The following KCNQ5 variants were observed in gnomAD, a reference collection of about 807,000 sequenced individuals.
The protein encoded by KCNQ5 is potassium voltage-gated channel subfamily KQT member 5.
A neutral mutation model predicts 98.2 loss-of-function variants in KCNQ5; 30 were observed. The ratio of observed to expected loss-of-function variants is 0.31; its 90% CI spans 0.23 to 0.41. The LOEUF is 0.41. Ranked by LOEUF, KCNQ5 falls within the 10% of genes least tolerant of loss-of-function variation. KCNQ5 has a pLI of 1.00. For missense variants in KCNQ5, 835 were observed against 1,182.5 expected, an observed-to-expected ratio of 0.71 and a Z score of 4.31; for synonymous variants, 458 against 449.4, an observed-to-expected ratio of 1.02 and a Z score of -0.24.
chr6:72,899,807 C>T (rs1779408413), intron 1 of KCNQ5, among the ~76,000 whole-genome samples: 1 of 151,932 alleles, frequency 6.6e-6, no homozygotes, highest in Admixed American at 6.6e-5. Flanking sequence ...CCCCTTCCCA[C>T]CCTTCACCCC....
At chr6:72,967,328 T>C (rs945734026) in intron 1 of KCNQ5, among the ~76,000 whole-genome samples, 2 of 152,174 alleles carry the variant, frequency 1.3e-5, no homozygotes, top group African/African-American at 4.8e-5. Context: ...TTTTGATCAG[T>C]ATAGTGAAAT....
At chr6:72,854,369 A>G (rs998340543) in intron 1 of KCNQ5, among the ~76,000 whole-genome samples, 5 of 152,134 alleles carry the variant, frequency 3.3e-5, no homozygotes, top group Admixed American at 2.6e-4. Context: ...AGCATTAAAT[A>G]TGGGATGATC....
At chr6:72,846,746 G>C (rs1257684804) in intron 1 of KCNQ5, among the ~76,000 whole-genome samples, 2 of 152,164 alleles carry the variant, frequency 1.3e-5, no homozygotes, top group African/African-American at 4.8e-5. Context: ...ACATTTGGCT[G>C]TTAAAAGTGT....
chr6:72,682,827 G>A (rs950685297), intron 1 of KCNQ5, among the ~76,000 whole-genome samples: 1 of 152,176 alleles, frequency 6.6e-6, no homozygotes, highest in Non-Finnish European at 1.5e-5. Context: ...AGGATGAAAG[G>A]GTTGTGGAAG....
At chr6:72,946,326 TA>T (rs1033142183) in intron 1 of KCNQ5, among the ~76,000 whole-genome samples, 40 of 152,308 alleles carry the variant, frequency 2.6e-4, no homozygotes, top group African/African-American at 9.1e-4. Flanking sequence ...GGAATAAAAA[TA>T]ATGTAATTGA....
intron 3 of KCNQ5, among the ~76,000 whole-genome samples, chr6:73,053,406 C>T (rs957571441): frequency 1.3e-5 from 2 of 152,088 alleles, no homozygotes; most frequent in Non-Finnish European, 2.9e-5. Flanking sequence ...ACCTAATAGA[C>T]ATCTACAGAA....
chr6:72,645,748 C>T (rs1582037837), intron 1 of KCNQ5, among the ~76,000 whole-genome samples: 1 of 152,198 alleles, frequency 6.6e-6, no homozygotes, highest in Non-Finnish European at 1.5e-5. Flanking sequence ...GTGGTTTGTC[C>T]TTATCATGCT....
intron 1 of KCNQ5, among the ~76,000 whole-genome samples, chr6:72,840,093 CTT>C (rs1776725519): frequency 6.6e-6 from 1 of 152,230 alleles, no homozygotes; most frequent in South Asian, 2.1e-4. Flanking sequence ...ACAGAATTAT[CTT>C]TTTTTAAGGC....
intron 10 of KCNQ5, among the ~76,000 whole-genome samples, chr6:73,161,101 G>A (rs1777601507): frequency 1.3e-5 from 2 of 152,180 alleles, no homozygotes; most frequent in African/African-American, 2.4e-5. Flanking sequence ...ATGTGGTATA[G>A]ATACACAATG....
chr6:72,978,318 A>G (rs1382843759), intron 1 of KCNQ5, among the ~76,000 whole-genome samples: 1 of 152,234 alleles, frequency 6.6e-6, no homozygotes, highest in East Asian at 1.9e-4. Context: ...ACTGTGATAG[A>G]TTTCTAAATT....
intron 1 of KCNQ5, among the ~76,000 whole-genome samples, chr6:72,675,212 C>T (rs1767349826): frequency 6.6e-6 from 1 of 152,124 alleles, no homozygotes; most frequent in Admixed American, 6.5e-5. Flanking sequence ...ACTCAGTTTT[C>T]AAAACTGAGT....
chr6:73,193,521 A>AAAAT (rs1765677974), intron 13 of KCNQ5, among the ~76,000 whole-genome samples: 1 of 130,126 alleles, frequency 7.7e-6, no homozygotes. Context: ...TAAAATAAAT[A>AAAAT]AAAATAAAAC....
At chr6:73,146,767 C>T (rs574745455) in intron 10 of KCNQ5, among the ~76,000 whole-genome samples, 1 of 151,830 alleles carries the variant, frequency 6.6e-6, no homozygotes, top group African/African-American at 2.4e-5. Context: ...ATGTGATTGA[C>T]CACTTGGCTT....
intron 1 of KCNQ5, among the ~76,000 whole-genome samples, chr6:72,807,807 A>T (rs750346586): frequency 1.3e-5 from 2 of 152,122 alleles, no homozygotes; most frequent in African/African-American, 4.8e-5. Flanking sequence ...CCTAGACCCA[A>T]AGAATAAATA....
At chr6:73,187,852 G>T (rs1376017641) in intron 11 of KCNQ5, among the ~76,000 whole-genome samples, 1 of 152,118 alleles carries the variant, frequency 6.6e-6, no homozygotes, top group Non-Finnish European at 1.5e-5. Context: ...TGTACTTTCT[G>T]TTAAAACATC....
At chr6:73,165,182 G>T (rs1777746534) in intron 10 of KCNQ5, among the ~76,000 whole-genome samples, 1 of 151,836 alleles carries the variant, frequency 6.6e-6, no homozygotes, top group African/African-American at 2.4e-5. Context: ...TATTTGTAGA[G>T]ACAGGGTTGC....
chr6:72,640,447 TA>T (rs1437124686), intron 1 of KCNQ5, among the ~76,000 whole-genome samples: 3 of 152,126 alleles, frequency 2.0e-5, no homozygotes, highest in Non-Finnish European at 4.4e-5. Context: ...GTTCAACGAA[TA>T]AATAAGTGAA....
intron 2 of KCNQ5, among the ~76,000 whole-genome samples, chr6:73,035,589 A>G (rs1425447596): frequency 1.3e-5 from 2 of 152,208 alleles, no homozygotes; most frequent in African/African-American, 2.4e-5. Flanking sequence ...CCTAATTTAA[A>G]TCATCTCGAC....
intron 1 of KCNQ5, among the ~76,000 whole-genome samples, chr6:72,756,632 A>G (rs1486236307): frequency 2.0e-5 from 3 of 152,130 alleles, no homozygotes; most frequent in Non-Finnish European, 4.4e-5. Flanking sequence ...CAGCAACAGA[A>G]AAAGCTGCTA....
Sources: gnomAD v4.1 joint callset for allele counts (sites outside exome capture counted in the v4.1 genomes callset) on GRCh38, gnomAD v4.1.1 for gene constraint, MANE v1.5 for transcripts, NCBI Gene and HGNC (gene_info 2026-07-23, HGNC 2026-07-21) for gene names.